Variants in SMARCA2 observed in about 807,000 individuals in gnomAD.
SMARCA2 encodes the protein SWI/SNF related BAF chromatin remodeling complex subunit ATPase 2.
SMARCA2 carries 61 observed loss-of-function variants against 199.8 expected under a neutral mutation model. The observed-to-expected ratio is 0.31, with a 90% CI of 0.25 to 0.38. The LOEUF (loss-of-function observed/expected upper bound fraction) is 0.38, where lower values mean the gene tolerates loss of function less well. Ranked by LOEUF, SMARCA2 falls within the 10% of genes least tolerant of loss-of-function variation. The pLI is 1.00. For missense variants in SMARCA2, 1,344 were observed against 2,012.2 expected (o/e 0.67, Z 6.35); for synonymous variants, 935 against 732.0 (o/e 1.28, Z -4.48).
At position 2,169,816 on chromosome 9, in the gene SMARCA2, A is replaced by G. The variant is rs529203613; in HGVS notation, c.4200-603A>G. On this transcript the variant is annotated intron_variant, in intron 28 of 33. Coordinates refer to ENST00000349721, the MANE Select transcript of SMARCA2 (RefSeq NM_003070.5). This position sits in a 1 kb window ranked among gnomAD's most constrained non-coding sequence, Gnocchi z 6.5. ...TTCTAGAGGCTTGTAGAAGTGCCCA[A>G]GACGCCAGGTGGTGGTTTATTTTCA... Among the ~76,000 whole-genome samples the G allele has an allele frequency of 6.6e-6, 1 of 152,166 alleles. No individual in the cohort carries two copies. The highest frequency in any genetic ancestry group is 1.5e-5 in the Non-Finnish European group (1 of 68,026).
rs549827749 is a variant in SMARCA2 at position 2,084,251 on chromosome 9, G to A, written c.2526+55G>A. On this transcript the variant is annotated intron_variant, in intron 17 of 33. Transcript: ENST00000349721. ...AATTAGGACCATTGCACTGGAATGT[G>A]AAGTATTGCCCAAGTCAGTAGTGTA... The A allele has an allele frequency of 2.9e-5, 26 of 903,722 alleles. No individual in the cohort carries two copies. In the African/African-American group the frequency reaches 3.3e-4, roughly 11 times the overall value. 56.0% of individuals were successfully genotyped at this position (903,722 alleles called of 1,614,324 possible).
At chr9:2,180,914 C>T (rs1395762500) in intron 29 of SMARCA2, among the ~76,000 whole-genome samples, 1 of 152,092 alleles carries the variant, frequency 6.6e-6, no homozygotes, top group South Asian at 2.1e-4. Flanking sequence ...ACATGTTCTT[C>T]TTTCACCCAA....
chr9:2,181,224 A>G lies in SMARCA2; in HGVS notation c.4254-347A>G, dbSNP rs571996810. 284 of 206,310 alleles carry G rather than the reference A, an allele frequency of 1.4e-3. 1 individual carries two copies. Among genetic ancestry groups the G allele is most frequent in the Admixed American group, 2.7e-3 (46 of 16,808 alleles). 12.8% of individuals were successfully genotyped at this position (206,310 alleles called of 1,614,324 possible). ...TGTACGTGTATATATATACATATAT[A>G]TTTACCAATTCATTTAAAAATGAAA... On this transcript the variant is annotated intron_variant, in intron 29 of 33. Transcript: ENST00000349721.
chr9:2,153,496 A>T (rs1013214573), intron 27 of SMARCA2, among the ~76,000 whole-genome samples: 2 of 152,160 alleles, frequency 1.3e-5, no homozygotes, highest in Non-Finnish European at 2.9e-5. Flanking sequence ...TGATTACACC[A>T]CTGCACTCCA....
At position 2,115,415 on chromosome 9, in the gene SMARCA2, T is replaced by G. The variant is rs1479876791; in HGVS notation, c.3457-407T>G. Among the ~76,000 whole-genome samples the G allele has an allele frequency of 6.6e-6, 1 of 152,224 alleles. No individual in the cohort carries two copies. Among genetic ancestry groups the G allele is most frequent in the African/African-American group, 2.4e-5 (1 of 41,456 alleles). Reference sequence around the variant, plus strand: ...CTCAGTGATATTTTTAAAATAATCTTCAACACATCACGCCAAAGAAAAGGC... The same window carrying G: ...CTCAGTGATATTTTTAAAATAATCTGCAACACATCACGCCAAAGAAAAGGC... On this transcript the variant is annotated intron_variant, in intron 24 of 33. Transcript: ENST00000349721. The surrounding 1 kb of genome is among the most constrained non-coding windows in gnomAD (Gnocchi z 6.0).
chr9:2,129,642 C>A (rs1212957746), intron 27 of SMARCA2, among the ~76,000 whole-genome samples: 2 of 152,194 alleles, frequency 1.3e-5, no homozygotes, highest in Admixed American at 1.3e-4. Flanking sequence ...TGCTTGAACT[C>A]ATTCCCCAGC....
At chr9:2,059,366 G>A (rs1247202605) in intron 8 of SMARCA2, among the ~76,000 whole-genome samples, 1 of 152,130 alleles carries the variant, frequency 6.6e-6, no homozygotes, top group Non-Finnish European at 1.5e-5. Flanking sequence ...TAAACACCAT[G>A]TTTTAAAAGC....
Position 2,076,365 on chromosome 9 carries a change from A to G in SMARCA2, c.2036+36A>G, listed in dbSNP as rs768604394. ...CATTTTTCCCTTGGAAATGCATTGCATGAGGATGATGCTTAATGAATTTTC... is the reference window on the plus strand; with the variant it reads ...CATTTTTCCCTTGGAAATGCATTGCGTGAGGATGATGCTTAATGAATTTTC... On this transcript the variant is annotated intron_variant, in intron 13 of 33. Transcript: ENST00000349721. The G allele has an allele frequency of 5.0e-5, 60 of 1,205,294 alleles. No homozygotes were observed. The East Asian group carries it at 5.6e-4, about 11-fold the overall frequency. 74.7% of individuals were successfully genotyped at this position (1,205,294 alleles called of 1,614,324 possible).
In SMARCA2 at chr9:2,167,910, T is replaced by G. The variant is rs571875842; in HGVS notation, c.4200-2509T>G. ...TGAAGAGGTAGCTGGCCTGGGGAAT[T>G]CAGGGAAGTAGGGGTCGTATGAGCC... On this transcript the variant is annotated intron_variant, in intron 28 of 33. Coordinates refer to ENST00000349721, the MANE Select transcript of SMARCA2 (RefSeq NM_003070.5). Among the ~76,000 whole-genome samples the G allele has an allele frequency of 3.0e-4, 45 of 152,246 alleles. No individual in the cohort carries two copies. In the South Asian group the frequency reaches 8.1e-3, roughly 27 times the overall value.
chr9:2,163,443 A>G (rs1825783763), intron 28 of SMARCA2, among the ~76,000 whole-genome samples: 1 of 152,208 alleles, frequency 6.6e-6, no homozygotes, highest in African/African-American at 2.4e-5. Flanking sequence ...AGTGAACATG[A>G]AAACTTCCTT....
At chr9:2,162,615 C>T (rs1825740815) in intron 28 of SMARCA2, 1 of 152,162 alleles carries the variant, frequency 6.6e-6, no homozygotes, top group African/African-American at 2.4e-5. Context: ...ACTTGGTTTC[C>T]ACTTTATTAT....
intron 27 of SMARCA2, among the ~76,000 whole-genome samples, chr9:2,133,315 A>AT (rs1465387430): frequency 6.6e-6 from 1 of 151,940 alleles, no homozygotes; most frequent in Non-Finnish European, 1.5e-5. Context: ...TTTTTACTTT[A>AT]TTTTTTTAAG....
At chr9:2,159,849 C>T (rs1825572178) in intron 27 of SMARCA2, 13 of 1,612,094 alleles carry the variant, frequency 8.1e-6, no homozygotes, top group East Asian at 2.2e-5. Context: ...GCTTTGCTGG[C>T]TTGTTAATTT....
rs780506072 is a variant in SMARCA2 at position 2,147,900 on chromosome 9, G to A, written c.3982-13786G>A. ...GCTGTAGTGCAGTGGCATGATCACAGCTCATTGCAGCCTCCCTCAAACTCC... is the reference window on the plus strand; with the variant it reads ...GCTGTAGTGCAGTGGCATGATCACAACTCATTGCAGCCTCCCTCAAACTCC... On this transcript the variant is annotated intron_variant, in intron 27 of 33. Coordinates refer to ENST00000349721, the MANE Select transcript of SMARCA2 (RefSeq NM_003070.5). 8.0e-5 allele frequency among the ~76,000 whole-genome samples: 12 copies of A among 150,920 alleles called. 2 individuals carry two copies. The highest frequency in any genetic ancestry group is 1.6e-4 in the Non-Finnish European group (11 of 67,562).
chr9:2,049,169 T>G (rs1319384161), intron 5 of SMARCA2, among the ~76,000 whole-genome samples: 1 of 152,214 alleles, frequency 6.6e-6, no homozygotes, highest in Non-Finnish European at 1.5e-5. Flanking sequence ...TTTTTACATA[T>G]GTCTAGACTT....
rs1563850893 is a variant in SMARCA2, at chr9:2,192,935, CAT to C, written c.*199_*200del. 1.9e-6 allele frequency: 1 copy of C among 537,488 alleles called. No individual in the cohort carries two copies. Among genetic ancestry groups the C allele is most frequent in the Non-Finnish European group, 3.3e-6 (1 of 304,074 alleles). 33.3% of individuals were successfully genotyped at this position (537,488 alleles called of 1,614,324 possible). On this transcript the variant is annotated 3_prime_UTR_variant, in exon 34 of 34. Coordinates refer to ENST00000349721, the MANE Select transcript of SMARCA2 (RefSeq NM_003070.5). ...CACACACATACACAAATATTTGTAA[CAT>C]ATTGTGACCAAATGGGCCTCAAAGA...
chr9:2,187,303 C>G (rs187441043), intron 32 of SMARCA2, among the ~76,000 whole-genome samples: 1 of 152,196 alleles, frequency 6.6e-6, no homozygotes, highest in African/African-American at 2.4e-5. Flanking sequence ...TGCGTGCCTC[C>G]ATTGTTTGAC....
intron 14 of SMARCA2, chr9:2,080,022 T>C (rs770352918): frequency 1.3e-5 from 2 of 152,240 alleles, no homozygotes; most frequent in East Asian, 1.9e-4. Context: ...GCCTTCTTCC[T>C]GGAATCTTGA....
intron 28 of SMARCA2, among the ~76,000 whole-genome samples, chr9:2,167,291 C>G (rs1387362385): frequency 6.6e-6 from 1 of 152,212 alleles, no homozygotes; most frequent in African/African-American, 2.4e-5. Flanking sequence ...TTATGCCTTG[C>G]TTTTCAAATC....
Sources: allele counts gnomAD v4.1 joint callset (sites outside exome capture counted in the v4.1 genomes callset), GRCh38; gene constraint gnomAD v4.1.1; non-coding constraint Gnocchi (gnomAD v3.1); transcripts MANE v1.5; gene names NCBI Gene and HGNC (gene_info 2026-07-23, HGNC 2026-07-21).